PDE10A: variants seen among roughly 807,000 people sequenced by gnomAD.
The protein encoded by PDE10A is phosphodiesterase 10A.
Under a neutral mutation model 97.7 loss-of-function variants are expected in PDE10A, and 39 were observed. The ratio of observed to expected loss-of-function variants is 0.40; its 90% CI spans 0.31 to 0.52. The LOEUF is 0.52. Ranked by LOEUF, PDE10A falls within the 20% of genes least tolerant of loss-of-function variation. PDE10A has a pLI of 0.56. For missense variants in PDE10A, 731 were observed against 1,047.8 expected, an observed-to-expected ratio of 0.70 and a Z score of 4.17; for synonymous variants, 371 against 376.8, an observed-to-expected ratio of 0.98 and a Z score of 0.18.
intron 1 of PDE10A, among the ~76,000 whole-genome samples, chr6:165,983,756 C>T (rs1480575181): frequency 6.6e-6 from 1 of 152,202 alleles, no homozygotes; most frequent in Non-Finnish European, 1.5e-5. Context: ...TGTACAGTCA[C>T]ATTTGGCTTA....
chr6:165,458,424 C>T (rs1372107669), intron 3 of PDE10A, among the ~76,000 whole-genome samples: 1 of 152,128 alleles, frequency 6.6e-6, no homozygotes, highest in African/African-American at 2.4e-5. Context: ...AAGAAGACAG[C>T]TGCCTTTTAT....
At chr6:165,982,619 A>T (rs1465224551) in intron 1 of PDE10A, among the ~76,000 whole-genome samples, 1 of 152,236 alleles carries the variant, frequency 6.6e-6, no homozygotes, top group East Asian at 1.9e-4. Context: ...AACTAATAAG[A>T]TATCTTGTGA....
At chr6:165,654,626 C>A (rs1233979039) in intron 1 of PDE10A, among the ~76,000 whole-genome samples, 1 of 152,070 alleles carries the variant, frequency 6.6e-6, no homozygotes, top group Non-Finnish European at 1.5e-5. Context: ...AGCTCCTTTT[C>A]TTCAGCAAAT....
At chr6:165,740,308 T>C (rs1365439204) in intron 1 of PDE10A, among the ~76,000 whole-genome samples, 9 of 133,518 alleles carry the variant, frequency 6.7e-5, no homozygotes. Flanking sequence ...TATATATATA[T>C]GGAGAGAAAG....
intron 13 of PDE10A, among the ~76,000 whole-genome samples, chr6:165,398,920 T>C (rs1583196361): frequency 1.3e-5 from 2 of 152,164 alleles, no homozygotes; most frequent in African/African-American, 4.8e-5. Context: ...GCCAACTATA[T>C]ACTGCTTACA....
chr6:165,956,952 G>A (rs1046635605), intron 1 of PDE10A, among the ~76,000 whole-genome samples: 4 of 152,362 alleles, frequency 2.6e-5, no homozygotes, highest in Non-Finnish European at 4.4e-5. Context: ...GGCCAGCCCA[G>A]GGGTTGATGG....
At chr6:165,486,312 T>C (rs1215319589) in intron 2 of PDE10A, among the ~76,000 whole-genome samples, 1 of 152,194 alleles carries the variant, frequency 6.6e-6, no homozygotes, top group Admixed American at 6.5e-5. Flanking sequence ...AAAAACTAAA[T>C]TGGTCATTTT....
intron 1 of PDE10A, chr6:165,780,525 T>G (rs1778314957): frequency 6.6e-6 from 1 of 152,240 alleles, no homozygotes; most frequent in Non-Finnish European, 1.5e-5. Flanking sequence ...TTAGACCCTG[T>G]GTTCTCAGGA....
chr6:165,941,338 G>A (rs973634843), intron 1 of PDE10A, among the ~76,000 whole-genome samples: 11 of 152,090 alleles, frequency 7.2e-5, no homozygotes, highest in Non-Finnish European at 1.6e-4. Flanking sequence ...CTGTTTCTGT[G>A]GCTGTTAAGG....
intron 5 of PDE10A, among the ~76,000 whole-genome samples, chr6:165,445,167 T>A (rs973507681): frequency 6.6e-6 from 1 of 152,340 alleles, no homozygotes; most frequent in East Asian, 1.9e-4. Context: ...TAATTTAATA[T>A]GGTTATATTT....
intron 1 of PDE10A, among the ~76,000 whole-genome samples, chr6:165,832,858 C>T (rs1044465085): frequency 5.9e-5 from 9 of 152,274 alleles, no homozygotes; most frequent in Non-Finnish European, 5.9e-5. Context: ...TCACATATTC[C>T]GGGTTAACTC....
Position 165,416,243 on chromosome 6 carries a change from C to T in PDE10A, c.1835G>A (p.Arg612Lys). The T allele has an allele frequency of 6.2e-7, 1 of 1,613,736 alleles. No individual in the cohort carries two copies. Among genetic ancestry groups the T allele is most frequent in the Non-Finnish European group, 8.5e-7 (1 of 1,179,642 alleles). Reference protein sequence around the residue: ...IEKGIAGQVARTGEVLNIPDA... With the variant: ...IEKGIAGQVAKTGEVLNIPDA... ...TGGAATGTTCAGGACTTCCCCTGTT[C>T]TTGCTACTTGGCCAGCAATTCCTTT... Residue 612 changes from arginine to lysine, a missense_variant, in exon 12 of 22, where the codon AGA becomes AAA. Transcript: ENST00000539869.
chr6:165,655,208 G>GA lies in PDE10A; in HGVS notation c.865+6738_865+6739insT, dbSNP rs1410257414. ...CTGAGGCATCTATATACTGTCCTTG[G>GA]GGCATCCAATCCCATGATTTTAGAT... On this transcript the variant is annotated intron_variant, in intron 1 of 21. Coordinates refer to ENST00000539869, the MANE Select transcript of PDE10A (RefSeq NM_001385079.1). This position sits in a 1 kb window ranked among gnomAD's most constrained non-coding sequence, Gnocchi z 4.5. Among the ~76,000 whole-genome samples the GA allele has an allele frequency of 6.6e-6, 1 of 150,994 alleles. No homozygotes were observed. The highest frequency in any genetic ancestry group is 1.5e-5 in the Non-Finnish European group (1 of 67,762).
At chr6:165,779,228 A>G (rs965278713) in intron 1 of PDE10A, among the ~76,000 whole-genome samples, 7 of 152,200 alleles carry the variant, frequency 4.6e-5, no homozygotes, top group African/African-American at 1.7e-4. Context: ...AAGTTCCCCA[A>G]ACCTTCCTTG....
Position 165,730,226 on chromosome 6 carries a change from T to C in PDE10A, c.-614-186658A>G, listed in dbSNP as rs975854030. On this transcript the variant is annotated intron_variant, in intron 1 of 19. Coordinates refer to the PDE10A transcript ENST00000366882. ...GAAACATGGTAGGGAGTTCTGAGAC[T>C]AAGTGACGACAGAGCTAAGTGAAAA... Among the ~76,000 whole-genome samples, 6 of 152,072 alleles carry C rather than the reference T, an allele frequency of 3.9e-5. 1 individual carries two copies. The highest frequency in any genetic ancestry group is 3.9e-4 in the Admixed American group (6 of 15,288).
chr6:165,617,338 T>C (rs1046930415), intron 1 of PDE10A, among the ~76,000 whole-genome samples: 1 of 152,150 alleles, frequency 6.6e-6, no homozygotes, highest in Non-Finnish European at 1.5e-5. Flanking sequence ...TTAAGTTCAA[T>C]ATGAATTTAA....
At chr6:165,516,146 C>T (rs536424197) in intron 2 of PDE10A, among the ~76,000 whole-genome samples, 105 of 152,318 alleles carry the variant, frequency 6.9e-4, no homozygotes, top group South Asian at 1.9e-3. Flanking sequence ...TCACTTAGTG[C>T]TGTATCTTGT....
At chr6:165,470,904 G>GA (rs1219580748) in intron 3 of PDE10A, among the ~76,000 whole-genome samples, 3 of 151,986 alleles carry the variant, frequency 2.0e-5, no homozygotes, top group Non-Finnish European at 2.9e-5. Context: ...TATTTTAAGA[G>GA]AAAAAAACTA....
chr6:165,828,972 G>A (rs1346784696), intron 1 of PDE10A, among the ~76,000 whole-genome samples: 3 of 152,234 alleles, frequency 2.0e-5, no homozygotes, highest in Non-Finnish European at 4.4e-5. Flanking sequence ...GTAAAAAATA[G>A]CATCTATCTT....
Sources: allele counts gnomAD v4.1 joint callset (sites outside exome capture counted in the v4.1 genomes callset), GRCh38; gene constraint gnomAD v4.1.1; non-coding constraint Gnocchi (gnomAD v3.1); transcripts MANE v1.5; gene names NCBI Gene and HGNC (gene_info 2026-07-23, HGNC 2026-07-21).